NBEA: variants seen among roughly 807,000 people sequenced by gnomAD.
NBEA encodes the protein lysosomal-trafficking regulator 2.
A neutral mutation model predicts 343.4 loss-of-function variants in NBEA; 44 were observed. The observed-to-expected ratio is 0.13, with a 90% CI of 0.10 to 0.16. The LOEUF (loss-of-function observed/expected upper bound fraction) is 0.16, where lower values mean the gene tolerates loss of function less well. Ranked by LOEUF, NBEA falls within the 10% of genes least tolerant of loss-of-function variation. NBEA has a pLI of 1.00. For missense variants in NBEA, 2,555 were observed against 3,631.3 expected (o/e 0.70, Z 7.62); for synonymous variants, 1,175 against 1,238.7 (o/e 0.95, Z 1.08).
chr13:35,495,749 C>T (rs1264083898), intron 41 of NBEA, among the ~76,000 whole-genome samples: 1 of 151,990 alleles, frequency 6.6e-6, no homozygotes, highest in East Asian at 1.9e-4. Flanking sequence ...AACCATATGT[C>T]AGGCCATAAC....
At chr13:35,298,274 A>C (rs149117388) in intron 35 of NBEA, among the ~76,000 whole-genome samples, 2 of 142,528 alleles carry the variant, frequency 1.4e-5, no homozygotes, top group Non-Finnish European at 1.5e-5. Flanking sequence ...TTTAATTTTA[A>C]TGTAGTCCAA....
At chr13:35,280,716 A>G (rs1458314284) in intron 34 of NBEA, among the ~76,000 whole-genome samples, 1 of 152,046 alleles carries the variant, frequency 6.6e-6, no homozygotes, top group Non-Finnish European at 1.5e-5. Flanking sequence ...CACTACTTAT[A>G]GAATCAAATC....
At chr13:35,526,081 G>A (rs533967567) in intron 41 of NBEA, among the ~76,000 whole-genome samples, 4 of 152,184 alleles carry the variant, frequency 2.6e-5, no homozygotes, top group Non-Finnish European at 4.4e-5. Context: ...TTCCTTCCTC[G>A]TTGGTAAAAT....
intron 1 of NBEA, among the ~76,000 whole-genome samples, chr13:35,014,101 G>C (rs1458374668): frequency 6.6e-6 from 1 of 151,948 alleles, no homozygotes; most frequent in Non-Finnish European, 1.5e-5. Flanking sequence ...TATAAACACA[G>C]TTATTTGGGA....
intron 33 of NBEA, among the ~76,000 whole-genome samples, chr13:35,219,749 G>T (rs2074259352): frequency 6.6e-6 from 1 of 152,076 alleles, no homozygotes; most frequent in African/African-American, 2.4e-5. Flanking sequence ...CTGAAGAAGA[G>T]CCGATGTTTC....
intron 38 of NBEA, among the ~76,000 whole-genome samples, chr13:35,430,843 G>T (rs575729763): frequency 6.6e-6 from 1 of 151,818 alleles, no homozygotes; most frequent in Admixed American, 6.6e-5. Flanking sequence ...AAATTAGGGA[G>T]GTATACTATT....
At chr13:35,050,905 G>A (rs2063043558) in intron 6 of NBEA, among the ~76,000 whole-genome samples, 1 of 151,706 alleles carries the variant, frequency 6.6e-6, no homozygotes, top group East Asian at 1.9e-4. Context: ...TGTTAGTTTT[G>A]GCTCATGAAA....
At chr13:35,564,962 C>T (rs1301807129) in intron 44 of NBEA, among the ~76,000 whole-genome samples, 1 of 152,170 alleles carries the variant, frequency 6.6e-6, no homozygotes, top group Non-Finnish European at 1.5e-5. Context: ...TATGCCAACA[C>T]ACAGAGATTA....
intron 41 of NBEA, among the ~76,000 whole-genome samples, chr13:35,545,676 CATA>C (rs1428452274): frequency 6.6e-6 from 1 of 152,138 alleles, no homozygotes; most frequent in Non-Finnish European, 1.5e-5. Context: ...GGCGTAAGTC[CATA>C]ATATCAAGTC....
At chr13:35,638,063 G>A (rs981669125) in intron 49 of NBEA, among the ~76,000 whole-genome samples, 1 of 152,140 alleles carries the variant, frequency 6.6e-6, no homozygotes, top group Non-Finnish European at 1.5e-5. Context: ...ATCTTAACGA[G>A]TCAAAATCAT....
chr13:35,090,946 C>G (rs919228215), intron 10 of NBEA, among the ~76,000 whole-genome samples: 4 of 151,896 alleles, frequency 2.6e-5, no homozygotes, highest in Non-Finnish European at 5.9e-5. Flanking sequence ...CTTTATTATC[C>G]CCTAACATGA....
rs545970947 is a variant in NBEA, at chr13:35,017,096, A to T, written c.295-23837A>T. On this transcript the variant is annotated intron_variant, in intron 1 of 58. Transcript: ENST00000379939. The stretch of plus-strand genomic sequence containing the variant: ...AGTGACATAATTTCTTTTATGTTCT[A>T]AAAAGATCATCTGCCGCAGTGGGAA... Among the ~76,000 whole-genome samples the T allele has an allele frequency of 3.3e-5, 5 of 152,260 alleles. No homozygotes were observed. In the South Asian group the frequency reaches 1.0e-3, roughly 32 times the overall value.
intron 38 of NBEA, among the ~76,000 whole-genome samples, chr13:35,365,003 A>G (rs192446171): frequency 7.2e-5 from 11 of 151,908 alleles, no homozygotes; most frequent in Admixed American, 6.6e-4. Flanking sequence ...AAGAGTAACT[A>G]TTTAAAAGCA....
intron 10 of NBEA, among the ~76,000 whole-genome samples, chr13:35,073,248 T>C (rs1353743820): frequency 6.6e-6 from 1 of 152,198 alleles, no homozygotes; most frequent in East Asian, 1.9e-4. Flanking sequence ...TTCATATCGA[T>C]GATTGGGACC....
intron 49 of NBEA, among the ~76,000 whole-genome samples, chr13:35,629,904 A>G (rs1185877327): frequency 6.6e-6 from 1 of 152,196 alleles, no homozygotes; most frequent in African/African-American, 2.4e-5. Context: ...AGATCAACTG[A>G]ATTGTCTTTT....
At chr13:35,059,648 A>T (rs1304024494) in intron 8 of NBEA, among the ~76,000 whole-genome samples, 1 of 151,746 alleles carries the variant, frequency 6.6e-6, no homozygotes, top group Non-Finnish European at 1.5e-5. Flanking sequence ...TAAATAATTA[A>T]TGTGAAGATT....
At chr13:35,117,826 A>AT (rs1270563539) in intron 14 of NBEA, among the ~76,000 whole-genome samples, 1 of 152,006 alleles carries the variant, frequency 6.6e-6, no homozygotes, top group African/African-American at 2.4e-5. Flanking sequence ...TTGTAGTAGA[A>AT]TTTTTTAAAT....
intron 38 of NBEA, among the ~76,000 whole-genome samples, chr13:35,368,867 A>C (rs1389136942): frequency 1.3e-5 from 2 of 151,634 alleles, no homozygotes; most frequent in East Asian, 3.8e-4. Context: ...CTAAAATCTA[A>C]TATATATTAA....
At chr13:34,967,339 TTC>T (rs1354012745) in intron 1 of NBEA, among the ~76,000 whole-genome samples, 1 of 151,780 alleles carries the variant, frequency 6.6e-6, no homozygotes, top group Non-Finnish European at 1.5e-5. Flanking sequence ...TACTATTTTT[TTC>T]TTTTACCTTT....
Sources: allele counts gnomAD v4.1 joint callset (sites outside exome capture counted in the v4.1 genomes callset), GRCh38; gene constraint gnomAD v4.1.1; transcripts MANE v1.5; gene names NCBI Gene and HGNC (gene_info 2026-07-23, HGNC 2026-07-21).